The following NSD1 variants were observed in gnomAD, a reference collection of about 807,000 sequenced individuals.
The protein encoded by NSD1 is nuclear receptor binding SET domain protein 1, also known as histone-lysine N-methyltransferase, H3 lysine-36 specific.
A neutral mutation model predicts 242.7 loss-of-function variants in NSD1; 26 were observed. That is an observed-to-expected ratio of 0.11 (90% CI 0.08 to 0.15). The LOEUF is 0.15. Among genes scored for constraint, NSD1 ranks in the 10% least tolerant of loss-of-function variants. NSD1 has a pLI of 1.00. For synonymous variants in NSD1, 1,106 were observed against 1,178.1 expected (o/e 0.94, Z 1.25); for missense variants, 2,495 against 3,272.8 (o/e 0.76, Z 5.80).
chr5:177,164,266 C>T (rs144609039), intron 2 of NSD1, among the ~76,000 whole-genome samples: 1,530 of 151,344 alleles, frequency 0.01, 17 homozygotes, highest in Non-Finnish European at 0.016. Flanking sequence ...TAGCAGTTCT[C>T]CTGCCTCAGC....
intron 9 of NSD1, among the ~76,000 whole-genome samples, chr5:177,246,045 A>T (rs1412882163): frequency 6.6e-6 from 1 of 150,782 alleles, no homozygotes; most frequent in Non-Finnish European, 1.5e-5. Flanking sequence ...ATCTCGGCTC[A>T]CTGCAACCTC....
At chr5:177,252,428 G>C (rs182596448) in intron 12 of NSD1, among the ~76,000 whole-genome samples, 19 of 149,300 alleles carry the variant, frequency 1.3e-4, no homozygotes, top group Non-Finnish European at 1.6e-4. Context: ...TACCAAAAAA[G>C]TAAAAAGATT....
chr5:177,231,868 G>A (rs1409762424), intron 5 of NSD1, among the ~76,000 whole-genome samples: 3 of 151,742 alleles, frequency 2.0e-5, no homozygotes, highest in South Asian at 2.1e-4. Flanking sequence ...TTATGTTATT[G>A]GGATAATGAC....
chr5:177,214,668 C>CTT (rs35392696), intron 5 of NSD1, among the ~76,000 whole-genome samples: 12 of 123,696 alleles, frequency 9.7e-5, no homozygotes, highest in African/African-American at 3.0e-4. Flanking sequence ...ACAGGATCAC[C>CTT]TTTTTTTTTT....
In NSD1 at chr5:177,211,548, C is replaced by T; in HGVS notation, c.3149C>T (p.Thr1050Ile). 6.2e-7 allele frequency: 1 copy of T among 1,614,114 alleles called. No homozygotes were observed. The highest frequency in any genetic ancestry group is 1.3e-5 in the African/African-American group (1 of 75,036). Reference protein sequence around the residue: ...KNTVNRKALKTERKRKLNQLP... With the variant: ...KNTVNRKALKIERKRKLNQLP... The stretch of plus-strand genomic sequence containing the variant: ...ACAGTGAACCGTAAAGCCTTAAAGA[C>T]CGAGCGCAAAAGAAAACTGAATCAG... The change falls in exon 5 of 23, where the codon ACC (threonine) becomes ATC (isoleucine). Residue 1050 changes from threonine (T) to isoleucine (I), a missense_variant. By Grantham distance (89) the Thr-to-Ile change is moderately conservative. Transcript: ENST00000439151.
intron 2 of NSD1, among the ~76,000 whole-genome samples, chr5:177,140,302 G>A (rs1274665611): frequency 6.6e-6 from 1 of 152,162 alleles, no homozygotes; most frequent in African/African-American, 2.4e-5. Context: ...AATTAAATGA[G>A]CATGGCATTT....
intron 12 of NSD1, among the ~76,000 whole-genome samples, chr5:177,252,081 A>G (rs1240037557): frequency 1.3e-5 from 2 of 152,202 alleles, no homozygotes; most frequent in Non-Finnish European, 2.9e-5. Context: ...TTAGAATGTA[A>G]TGTAAGCAAA....
At chr5:177,219,193 GT>G (rs1352838628) in intron 5 of NSD1, among the ~76,000 whole-genome samples, 37 of 143,792 alleles carry the variant, frequency 2.6e-4, no homozygotes, top group Admixed American at 3.5e-4. Flanking sequence ...TAAGTTTTGT[GT>G]TTTTTTTTTT....
chr5:177,274,858 C>T lies in NSD1; in HGVS notation c.5622+1074C>T, dbSNP rs560329413. ...AAGCAAGTCTTCTGCCGCAGCCTCC[C>T]GAGTAGCTGGGATTACAGGCGCACA... On this transcript the variant is annotated intron_variant, in intron 17 of 22. Coordinates refer to ENST00000439151, the MANE Select transcript of NSD1 (RefSeq NM_022455.5). Among the ~76,000 whole-genome samples, 10 of 152,062 alleles carry T rather than the reference C, an allele frequency of 6.6e-5. No individual in the cohort carries two copies. In the South Asian group the frequency reaches 2.1e-3, roughly 32 times the overall value.
At chr5:177,192,313 C>T (rs1020143740) in intron 3 of NSD1, among the ~76,000 whole-genome samples, 1 of 151,782 alleles carries the variant, frequency 6.6e-6, no homozygotes, top group African/African-American at 2.4e-5. Context: ...TGAGTTCAAG[C>T]GATTCTCCTG....
chr5:177,178,505 C>T (rs958515690), intron 2 of NSD1, among the ~76,000 whole-genome samples: 4 of 152,196 alleles, frequency 2.6e-5, no homozygotes, highest in Admixed American at 6.5e-5. Context: ...GGATTACAGG[C>T]GTAAGCCACC....
upstream of NSD1, among the ~76,000 whole-genome samples, chr5:177,132,852 C>T (rs1755970161): frequency 6.6e-6 from 1 of 152,122 alleles, no homozygotes; most frequent in African/African-American, 2.4e-5. The surrounding 1 kb of genome is among the most constrained non-coding windows in gnomAD (Gnocchi z 7.5). Context: ...GCTGTGGGCA[C>T]CGCAGGGCCG....
intron 12 of NSD1, among the ~76,000 whole-genome samples, chr5:177,255,589 T>G (rs7724386): frequency 0.47 from 71,256 of 151,868 alleles, 18,016 homozygotes; most frequent in Admixed American, 0.57. Context: ...TTTGTTTTTT[T>G]GTTTTGTTTT....
chr5:177,202,860 A>G (rs1489542109), intron 3 of NSD1, among the ~76,000 whole-genome samples: 4 of 152,144 alleles, frequency 2.6e-5, no homozygotes, highest in African/African-American at 7.2e-5. Context: ...TTGTTTTTAA[A>G]ATGAACCAGA....
chr5:177,271,954 T>G (rs905425775), intron 16 of NSD1, among the ~76,000 whole-genome samples: 1 of 151,916 alleles, frequency 6.6e-6, no homozygotes, highest in African/African-American at 2.4e-5. Flanking sequence ...AAACCCTGTC[T>G]CTACTAAAAA....
Position 177,209,986 on chromosome 5 carries a change from T to C in NSD1, c.1587T>C (p.Ile529=). ...EAHKDERRGK[I]PENLGLNFIS... Reference sequence around the variant, plus strand: ...ATAAAGATGAACGGAGGGGAAAGATTCCAGAGAACCTTGGCCTAAACTTTA... The same window carrying C: ...ATAAAGATGAACGGAGGGGAAAGATCCCAGAGAACCTTGGCCTAAACTTTA... The change falls in exon 5 of 23, where the codon ATT becomes ATC. Residue 529 remains isoleucine, a synonymous_variant. Coordinates refer to ENST00000439151, the MANE Select transcript of NSD1 (RefSeq NM_022455.5). 6.2e-7 allele frequency: 1 copy of C among 1,614,110 alleles called. No homozygotes were observed. Among genetic ancestry groups the C allele is most frequent in the Non-Finnish European group, 8.5e-7 (1 of 1,180,028 alleles).
intron 14 of NSD1, chr5:177,266,043 C>T (rs1757416840): frequency 9.4e-7 from 1 of 1,068,140 alleles, no homozygotes; most frequent in South Asian, 1.3e-5. Context: ...TAAACGTTCT[C>T]CCACCAGTGG....
chr5:177,210,844 C>G lies in NSD1; in HGVS notation c.2445C>G (p.Cys815Trp), dbSNP rs764456592. The G allele has an allele frequency of 1.9e-6, 3 of 1,614,086 alleles. No homozygotes were observed. In the African/African-American group the frequency reaches 4.0e-5, roughly 22 times the overall value. ...ATGAGGAGTGCAGTTTGAAATGCTG[C>G]TCTTCTGATACCAAAGGCTCTCCTT... The part of the protein sequence containing the change: ...VINEECSLKC[C>W]SSDTKGSPLA... Residue 815 changes from cysteine (C) to tryptophan (W), a missense_variant, in exon 5 of 23, where the codon TGC (cysteine) becomes TGG (tryptophan). Transcript: ENST00000439151.
At chr5:177,154,927 C>T (rs935037945) in intron 2 of NSD1, among the ~76,000 whole-genome samples, 3 of 151,848 alleles carry the variant, frequency 2.0e-5, no homozygotes, top group Non-Finnish European at 2.9e-5. Context: ...AACTCCTGAC[C>T]TCAGGTTATC....
Sources: gnomAD v4.1 joint callset for allele counts (sites outside exome capture counted in the v4.1 genomes callset) on GRCh38, gnomAD v4.1.1 for gene constraint, Gnocchi (gnomAD v3.1) non-coding constraint, MANE v1.5 for transcripts, NCBI Gene and HGNC (gene_info 2026-07-23, HGNC 2026-07-21) for gene names.